PDZRN4: variants seen among roughly 807,000 people sequenced by gnomAD.
The protein encoded by PDZRN4 is PDZ domain containing ring finger 4, also known as PDZ domain-containing RING finger protein 4.
PDZRN4 carries 70 observed loss-of-function variants against 99.0 expected under a neutral mutation model. The ratio of observed to expected loss-of-function variants is 0.71; its 90% CI spans 0.58 to 0.86. The LOEUF is 0.86. PDZRN4 is among the 40% of genes least tolerant of loss of function. The pLI is 0.00. For synonymous variants in PDZRN4, 551 were observed against 501.6 expected (o/e 1.10, Z -1.32); for missense variants, 1,474 against 1,331.2 (o/e 1.11, Z -1.67).
rs562472434 is a variant in PDZRN4, at chr12:41,227,365, T to C, written c.843+33177T>C. On this transcript the variant is annotated intron_variant, in intron 3 of 9. Transcript: ENST00000402685. ...TAGAATTTGCAAATGACCTAACCAG[T>C]TGCAAACTGAGACATCAGGCTGGGT... 1.1e-4 allele frequency among the ~76,000 whole-genome samples: 17 copies of C among 152,204 alleles called. No individual in the cohort carries two copies. The South Asian group carries it at 3.5e-3, about 32-fold the overall frequency.
intron 3 of PDZRN4, among the ~76,000 whole-genome samples, chr12:41,333,160 G>A (rs1534279): frequency 0.47 from 72,056 of 151,890 alleles, 17,871 homozygotes; most frequent in Middle Eastern, 0.65. Context: ...CTCTGTAGGT[G>A]AATATGTTCA....
At position 41,574,103 on chromosome 12, in the gene PDZRN4, A is replaced by G. The variant is rs1424166935; in HGVS notation, c.*213A>G. On this transcript the variant is annotated 3_prime_UTR_variant, in exon 10 of 10. Coordinates refer to ENST00000402685, the MANE Select transcript of PDZRN4 (RefSeq NM_001164595.2). ...CTGAGATCTTTCTTTTACTTGTGAT[A>G]TATTCATATTACTCGTTTATAAAAA... is the stretch of plus-strand genomic sequence containing the variant. The G allele has an allele frequency of 1.1e-5, 4 of 369,112 alleles. No homozygotes were observed. Among genetic ancestry groups the G allele is most frequent in the Non-Finnish European group, 1.9e-5 (4 of 207,938 alleles). The allele number at this position is 369,112 out of a possible 1,614,324, so 22.9% of individuals were successfully genotyped here. A position where few individuals can be genotyped will look rare whatever the true frequency, so the allele number is the denominator to read the frequency against.
chr12:41,369,658 C>A (rs12322069), intron 3 of PDZRN4, among the ~76,000 whole-genome samples: 2 of 151,830 alleles, frequency 1.3e-5, no homozygotes, highest in East Asian at 3.9e-4. Context: ...TCTGTCTTTA[C>A]GCATTTATAT....
At chr12:41,267,590 G>A (rs1166774921) in intron 3 of PDZRN4, among the ~76,000 whole-genome samples, 1 of 151,778 alleles carries the variant, frequency 6.6e-6, no homozygotes, top group Non-Finnish European at 1.5e-5. Flanking sequence ...AGCACTTTGG[G>A]AGGCCAAGGC....
intron 3 of PDZRN4, among the ~76,000 whole-genome samples, chr12:41,356,875 C>T (rs1951931466): frequency 6.6e-6 from 1 of 151,964 alleles, no homozygotes; most frequent in South Asian, 2.1e-4. Flanking sequence ...TTTCATTATT[C>T]TTTTGTTGGG....
At chr12:41,472,242 A>G (rs1266712918) in intron 3 of PDZRN4, among the ~76,000 whole-genome samples, 1 of 152,134 alleles carries the variant, frequency 6.6e-6, no homozygotes, top group Non-Finnish European at 1.5e-5. Context: ...ACCTCAGGTG[A>G]TCCACCCACC....
At chr12:41,253,107 A>C (rs1951181677) in intron 3 of PDZRN4, among the ~76,000 whole-genome samples, 1 of 152,140 alleles carries the variant, frequency 6.6e-6, no homozygotes, top group South Asian at 2.1e-4. Context: ...TAGAAATCCC[A>C]TTCTATTGAT....
At chr12:41,417,930 C>CA (rs1952457522) in intron 3 of PDZRN4, among the ~76,000 whole-genome samples, 2 of 152,250 alleles carry the variant, frequency 1.3e-5, no homozygotes, top group Admixed American at 6.5e-5. Context: ...CCTTGATAGC[C>CA]ATGTAACACA....
intron 6 of PDZRN4, among the ~76,000 whole-genome samples, chr12:41,553,634 C>T (rs188808968): frequency 8.6e-5 from 13 of 151,974 alleles, no homozygotes; most frequent in East Asian, 3.9e-4. Context: ...TTCGATGTTA[C>T]GGTGAGCTAT....
intron 5 of PDZRN4, among the ~76,000 whole-genome samples, chr12:41,513,862 A>G (rs1258717827): frequency 1.3e-5 from 2 of 152,114 alleles, no homozygotes; most frequent in African/African-American, 2.4e-5. Flanking sequence ...TCAAAAGTCA[A>G]TGCTAATGCT....
In PDZRN4 at chr12:41,255,578, C is replaced by T. The variant is rs569300823; in HGVS notation, c.843+61390C>T. Among the ~76,000 whole-genome samples the T allele has an allele frequency of 9.2e-4, 140 of 152,214 alleles. 1 individual carries two copies. The highest frequency in any genetic ancestry group is 1.3e-3 in the Admixed American group (20 of 15,288). ...ATGTTGAGGGAACCTGTTTTTATTA[C>T]ATTTTAACTTCCTGAAGTGTATGTA... On this transcript the variant is annotated intron_variant, in intron 3 of 9. Transcript: ENST00000402685.
chr12:41,316,364 G>T (rs921284128), intron 3 of PDZRN4, among the ~76,000 whole-genome samples: 1 of 151,856 alleles, frequency 6.6e-6, no homozygotes, highest in African/African-American at 2.4e-5. Context: ...TGCTTTCATT[G>T]TATGATTAGT....
At chr12:41,322,928 A>C (rs1442815719) in intron 3 of PDZRN4, among the ~76,000 whole-genome samples, 1 of 151,914 alleles carries the variant, frequency 6.6e-6, no homozygotes, top group African/African-American at 2.4e-5. Flanking sequence ...CTTGAAAAAA[A>C]ATTAGATTGT....
At position 41,188,817 on chromosome 12, in the gene PDZRN4, G is replaced by C; in HGVS notation, c.362G>C (p.Gly121Ala). The change falls in exon 1 of 10, where the codon GGG (glycine) becomes GCG (alanine). Residue 121 changes from glycine to alanine, a missense_variant. Physicochemically the swap from Gly to Ala is moderately conservative, Grantham distance 60 (BLOSUM62 0). Transcript: ENST00000402685. ...RLRSRGGCAS[G>A]LGGGEVPARG... The stretch of plus-strand genomic sequence containing the variant: ...CGCAGCCGCGGGGGCTGCGCTTCGG[G>C]GCTGGGCGGTGGTGAGGTGCCCGCG... 1 of 1,331,792 alleles carries C rather than the reference G, an allele frequency of 7.5e-7. No homozygotes were observed. Among genetic ancestry groups the C allele is most frequent in the Non-Finnish European group, 9.6e-7 (1 of 1,046,748 alleles). The allele number at this position is 1,331,792 out of a possible 1,614,324, so 82.5% of individuals were successfully genotyped here.
chr12:41,254,040 TG>T (rs1566398085), intron 3 of PDZRN4, among the ~76,000 whole-genome samples: 1 of 147,974 alleles, frequency 6.8e-6, no homozygotes, highest in Non-Finnish European at 1.5e-5. Context: ...TGTGCGTGTG[TG>T]TGTGTGTGTG....
chr12:41,415,707 T>C (rs1172812209), intron 3 of PDZRN4, among the ~76,000 whole-genome samples: 1 of 152,106 alleles, frequency 6.6e-6, no homozygotes, highest in Non-Finnish European at 1.5e-5. Context: ...AAATGAGAAA[T>C]TGTGTCCAGA....
intron 3 of PDZRN4, among the ~76,000 whole-genome samples, chr12:41,308,129 A>C (rs1951584088): frequency 6.6e-6 from 1 of 152,164 alleles, no homozygotes; most frequent in Non-Finnish European, 1.5e-5. Context: ...TTAAAAATTC[A>C]TAACTTTTCT....
intron 3 of PDZRN4, among the ~76,000 whole-genome samples, chr12:41,487,110 A>C (rs1408595608): frequency 6.6e-6 from 1 of 152,124 alleles, no homozygotes; most frequent in Middle Eastern, 3.2e-3. Context: ...CCATATGATT[A>C]AAATTAATTG....
At chr12:41,409,591 G>T (rs766700590) in intron 3 of PDZRN4, 1 of 152,060 alleles carries the variant, frequency 6.6e-6, no homozygotes, top group Non-Finnish European at 1.5e-5. Context: ...AAATACCAAC[G>T]TATGAAAGTC....
Sources: allele counts gnomAD v4.1 joint callset (sites outside exome capture counted in the v4.1 genomes callset), GRCh38; gene constraint gnomAD v4.1.1; transcripts MANE v1.5; gene names NCBI Gene and HGNC (gene_info 2026-07-23, HGNC 2026-07-21).